LRP8: variants seen among roughly 807,000 people sequenced by gnomAD.
LRP8 encodes the protein LDL receptor related protein 8, also known as low-density lipoprotein receptor-related protein 8.
In LRP8, 46 loss-of-function variants were observed where a neutral mutation model predicts 111.6. The observed-to-expected ratio is 0.41, with a 90% CI of 0.33 to 0.53. LRP8 has a LOEUF of 0.53. Among genes scored for constraint, LRP8 ranks in the 20% least tolerant of loss-of-function variants. The pLI is 0.20. For synonymous variants in LRP8, 464 were observed against 511.2 expected, an observed-to-expected ratio of 0.91 and a Z score of 1.24; for missense variants, 959 against 1,297.4, an observed-to-expected ratio of 0.74 and a Z score of 4.01.
intron 2 of LRP8, among the ~76,000 whole-genome samples, chr1:53,313,109 G>T (rs1653305119): frequency 6.6e-6 from 1 of 152,172 alleles, no homozygotes; most frequent in African/African-American, 2.4e-5. Context: ...ACAGGGAAGG[G>T]TCTTGGGTCC....
In LRP8 at chr1:53,244,954, T is replaced by C. The variant is rs1383939962; in HGVS notation, c.*2064A>G. 6.6e-6 allele frequency: 1 copy of C among 152,210 alleles called. No individual in the cohort carries two copies. The highest frequency in any genetic ancestry group is 1.5e-5 in the Non-Finnish European group (1 of 68,046). The allele number at this position is 152,210 out of a possible 1,614,324, so 9.4% of individuals were successfully genotyped here. A position where few individuals can be genotyped will look rare whatever the true frequency, so the allele number is the denominator to read the frequency against. On this transcript the variant is annotated 3_prime_UTR_variant, in exon 19 of 19. Transcript: ENST00000306052. ...TAAAATTCTGTTTGGTATTGGTCAT[T>C]CTAGGTCAACTGCATTTACCCTCTC...
At chr1:53,300,543 C>T (rs1650615576) in intron 2 of LRP8, among the ~76,000 whole-genome samples, 1 of 152,224 alleles carries the variant, frequency 6.6e-6, no homozygotes, top group South Asian at 2.1e-4. Flanking sequence ...GCTGTGCCCA[C>T]CCTGGCCGTC....
At chr1:53,295,237 G>A (rs1184834188) in intron 2 of LRP8, among the ~76,000 whole-genome samples, 1 of 152,210 alleles carries the variant, frequency 6.6e-6, no homozygotes, top group Non-Finnish European at 1.5e-5. Context: ...CCAAGCTGTG[G>A]GAGTGAAGAG....
At chr1:53,289,748 G>T in intron 2 of LRP8, 59 bp from the exon 3 acceptor site, 1 of 1,598,290 alleles carries the variant, frequency 6.3e-7, no homozygotes, top group South Asian at 1.1e-5. Flanking sequence ...GTGGTGGGCC[G>T]ACCAGGATGT....
chr1:53,312,247 T>C (rs1653135882), intron 2 of LRP8, among the ~76,000 whole-genome samples: 1 of 152,208 alleles, frequency 6.6e-6, no homozygotes, highest in African/African-American at 2.4e-5. Context: ...CCAGGCCTCC[T>C]GGCCCTATCC....
intron 2 of LRP8, among the ~76,000 whole-genome samples, chr1:53,295,589 G>A (rs990080235): frequency 5.3e-5 from 8 of 152,052 alleles, no homozygotes; most frequent in African/African-American, 1.9e-4. Context: ...CAGAAAATCG[G>A]CCCTTAGCAG....
chr1:53,276,689 TAC>T lies in LRP8; in HGVS notation c.883+1_883+2del. 1 of 1,537,732 alleles carries T rather than the reference TAC, an allele frequency of 6.5e-7. No homozygotes were observed. The highest frequency in any genetic ancestry group is 8.7e-7 in the Non-Finnish European group (1 of 1,145,806). The stretch of plus-strand genomic sequence containing the variant: ...GGGGCTGGGCGGTATGGAGGGGGCT[TAC>T]GGCAGTCGGCCTCGTCCGATTTGTC... On this transcript the variant is annotated splice_donor_variant, in intron 5 of 18. Coordinates refer to ENST00000306052, the MANE Select transcript of LRP8 (RefSeq NM_004631.5). LOFTEE classifies it high-confidence loss of function.
At position 53,243,538 on chromosome 1, in the gene LRP8, G is replaced by A. The variant is rs1014347754; in HGVS notation, c.*3480C>T. ...ATGCATGTAGTGCCTTGTACACAAT[G>A]ATCAAGAAATGCTTCATTGAATCAG... On this transcript the variant is annotated 3_prime_UTR_variant, in exon 19 of 19. Coordinates refer to ENST00000306052, the MANE Select transcript of LRP8 (RefSeq NM_004631.5). The A allele has an allele frequency of 2.0e-5, 3 of 152,164 alleles. No individual in the cohort carries two copies. The highest frequency in any genetic ancestry group is 7.2e-5 in the African/African-American group (3 of 41,432). The allele number at this position is 152,164 out of a possible 1,614,324, so 9.4% of individuals were successfully genotyped here.
In LRP8 at chr1:53,246,909, TACACTC is replaced by T. The variant is rs1350698017; in HGVS notation, c.*103_*108del. 2.1e-6 allele frequency: 2 copies of T among 940,960 alleles called. No individual in the cohort carries two copies. Among genetic ancestry groups the T allele is most frequent in the Non-Finnish European group, 3.2e-6 (2 of 619,550 alleles). 58.3% of individuals were successfully genotyped at this position (940,960 alleles called of 1,614,324 possible). ...TTAAAAAAAAAATCACACACACACA[TACACTC>T]ACACAGACCCATATATAGAAACCCA... On this transcript the variant is annotated 3_prime_UTR_variant, in exon 19 of 19. Coordinates refer to ENST00000306052, the MANE Select transcript of LRP8 (RefSeq NM_004631.5).
intron 3 of LRP8, among the ~76,000 whole-genome samples, chr1:53,281,299 T>C (rs1647102184): frequency 6.6e-6 from 1 of 152,210 alleles, no homozygotes; most frequent in Admixed American, 6.5e-5. Flanking sequence ...TGCATAGCTA[T>C]AATTACTGCA....
At chr1:53,314,278 C>T (rs1653502299) in intron 2 of LRP8, among the ~76,000 whole-genome samples, 1 of 138,388 alleles carries the variant, frequency 7.2e-6, no homozygotes, top group South Asian at 2.2e-4. Flanking sequence ...CATTTCTGTC[C>T]TCACCCTCCA....
In LRP8 at chr1:53,266,414, C is replaced by T. The variant is rs1008097265; in HGVS notation, c.1427+59G>A. ...CAGACACCACTCCTCCCCTCCTCAC[C>T]TGTCACCACCCCTCACCCCCACTCT... On this transcript the variant is annotated intron_variant, in intron 9 of 18. Transcript: ENST00000306052. The surrounding 1 kb of genome is among the most constrained non-coding windows in gnomAD (Gnocchi z 5.0). The T allele has an allele frequency of 1.3e-5, 20 of 1,574,346 alleles. No individual in the cohort carries two copies. The highest frequency in any genetic ancestry group is 1.6e-5 in the Non-Finnish European group (18 of 1,150,420).
intron 16 of LRP8, among the ~76,000 whole-genome samples, chr1:53,252,902 G>A (rs1256390369): frequency 6.6e-6 from 1 of 152,148 alleles, no homozygotes; most frequent in African/African-American, 2.4e-5. Context: ...ATGAAGTTGT[G>A]CTAATAGTAT....
chr1:53,260,158 CATT>C (rs1646275337), intron 13 of LRP8, among the ~76,000 whole-genome samples: 1 of 152,212 alleles, frequency 6.6e-6, no homozygotes, highest in Non-Finnish European at 1.5e-5. Flanking sequence ...CACCTGCTAA[CATT>C]ATTTTACCTC....
chr1:53,266,644 C>T lies in LRP8; in HGVS notation c.1256G>A (p.Gly419Asp). The change falls in exon 9 of 19, where the codon GGC (glycine) becomes GAC (aspartate). Residue 419 changes from glycine to aspartate, a missense_variant. Coordinates refer to ENST00000306052, the MANE Select transcript of LRP8 (RefSeq NM_004631.5). The surrounding 1 kb of genome is among the most constrained non-coding windows in gnomAD (Gnocchi z 5.0). ...GGTGAAGATTAGGGATGGGCTCTTGCCAGCTGTCATGCAGGGAGGTTGAAA... is the reference window on the plus strand; with the variant it reads ...GGTGAAGATTAGGGATGGGCTCTTGTCAGCTGTCATGCAGGGAGGTTGAAA... ...LLTKNCKAAA[G>D]KSPSLIFTNR... The T allele has an allele frequency of 6.2e-7, 1 of 1,613,782 alleles. No individual in the cohort carries two copies. Among genetic ancestry groups the T allele is most frequent in the Non-Finnish European group, 8.5e-7 (1 of 1,179,800 alleles).
intron 2 of LRP8, among the ~76,000 whole-genome samples, chr1:53,319,487 A>G (rs1654216483): frequency 6.6e-6 from 1 of 152,166 alleles, no homozygotes; most frequent in Non-Finnish European, 1.5e-5. Context: ...TCAGTTTCCC[A>G]AGGACACTCC....
Position 53,257,382 on chromosome 1 carries a change from G to C in LRP8, c.2292C>G (p.Thr764=), listed in dbSNP as rs1217879591. 2 of 1,614,176 alleles carry C rather than the reference G, an allele frequency of 1.2e-6. No homozygotes were observed. Among genetic ancestry groups the C allele is most frequent in the East Asian group, 4.5e-5 (2 of 44,892 alleles). The change falls in exon 15 of 19, where the codon ACC becomes ACG. Residue 764 remains threonine, a synonymous_variant. Coordinates refer to ENST00000306052, the MANE Select transcript of LRP8 (RefSeq NM_004631.5). ...VPATTRAPGT[T]VHRSTYQNHS... ...GGTTCTGGTAGGTGGATCTGTGGACGGTGGTCCCGGGGGCTCTTGTGGTGG... is the reference window on the plus strand; with the variant it reads ...GGTTCTGGTAGGTGGATCTGTGGACCGTGGTCCCGGGGGCTCTTGTGGTGG...
At chr1:53,253,933 A>G (rs1645983233) in intron 16 of LRP8, among the ~76,000 whole-genome samples, 2 of 152,212 alleles carry the variant, frequency 1.3e-5, no homozygotes. Flanking sequence ...TTGCCTGATT[A>G]AAGACTGAAA....
At chr1:53,296,137 A>T (rs1288498) in intron 2 of LRP8, among the ~76,000 whole-genome samples, 31,566 of 152,180 alleles carry the variant, frequency 0.21, 4,497 homozygotes, top group African/African-American at 0.41. Flanking sequence ...ATACCCAGCC[A>T]CCTAGGACAG....
Sources: gnomAD v4.1 joint callset for allele counts (sites outside exome capture counted in the v4.1 genomes callset) on GRCh38, gnomAD v4.1.1 for gene constraint, Gnocchi (gnomAD v3.1) non-coding constraint, MANE v1.5 for transcripts, NCBI Gene and HGNC (gene_info 2026-07-23, HGNC 2026-07-21) for gene names.